SYT9: variants seen among roughly 807,000 people sequenced by gnomAD.
SYT9 encodes synaptotagmin 9, also known as synaptotagmin-9.
Under a neutral mutation model 48.4 loss-of-function variants are expected in SYT9, and 22 were observed. That is an observed-to-expected ratio of 0.45 (90% CI 0.32 to 0.65). SYT9 has a LOEUF of 0.65. Among genes scored for constraint, SYT9 ranks in the 30% least tolerant of loss-of-function variants. The pLI is 0.03. For missense variants in SYT9, 577 were observed against 622.0 expected, an observed-to-expected ratio of 0.93 and a Z score of 0.77; for synonymous variants, 265 against 245.0, an observed-to-expected ratio of 1.08 and a Z score of -0.76.
At chr11:7,299,992 A>C (rs149454465) in intron 1 of SYT9, among the ~76,000 whole-genome samples, 84 of 152,302 alleles carry the variant, frequency 5.5e-4, no homozygotes, top group African/African-American at 2.0e-3. Flanking sequence ...ATGACCCTAC[A>C]TCCTAATTTT....
At chr11:7,359,588 T>C in intron 3 of SYT9, among the ~76,000 whole-genome samples, 1 of 111,766 alleles carries the variant, frequency 8.9e-6, no homozygotes, top group African/African-American at 3.0e-5. Flanking sequence ...GATTTGCATT[T>C]CTCTGATGGC....
At chr11:7,392,384 T>C (rs954246562) in intron 3 of SYT9, among the ~76,000 whole-genome samples, 3 of 152,170 alleles carry the variant, frequency 2.0e-5, no homozygotes, top group African/African-American at 4.8e-5. Context: ...ATTGCTTATT[T>C]TTGTCAGTAT....
intron 6 of SYT9, among the ~76,000 whole-genome samples, chr11:7,447,425 C>A (rs2134142898): frequency 6.6e-6 from 1 of 152,302 alleles, no homozygotes; most frequent in African/African-American, 2.4e-5. Context: ...ACTTCTAGTA[C>A]CCTGGCAACA....
At chr11:7,353,584 G>T (rs1564873427) in intron 3 of SYT9, among the ~76,000 whole-genome samples, 1 of 152,180 alleles carries the variant, frequency 6.6e-6, no homozygotes, top group Non-Finnish European at 1.5e-5. Flanking sequence ...CAGCCTTGAG[G>T]GCAGGGAGGA....
intron 1 of SYT9, among the ~76,000 whole-genome samples, chr11:7,295,767 T>C (rs751085618): frequency 2.6e-5 from 4 of 152,242 alleles, no homozygotes; most frequent in Non-Finnish European, 4.4e-5. Context: ...TGTATTGGTT[T>C]ATGTATGCCT....
intron 1 of SYT9, among the ~76,000 whole-genome samples, chr11:7,273,730 A>G (rs1848337236): frequency 1.3e-5 from 2 of 152,222 alleles, no homozygotes; most frequent in African/African-American, 2.4e-5. Context: ...ACCTAATTTC[A>G]TTGAATAAAA....
chr11:7,249,964 C>T (rs1465552745), upstream of SYT9, among the ~76,000 whole-genome samples: 1 of 152,156 alleles, frequency 6.6e-6, no homozygotes, highest in Non-Finnish European at 1.5e-5. Flanking sequence ...CCCTATGACT[C>T]CCCTCTGTAC....
intron 4 of SYT9, among the ~76,000 whole-genome samples, chr11:7,417,471 G>A (rs1198308092): frequency 1.3e-5 from 2 of 152,024 alleles, no homozygotes; most frequent in African/African-American, 2.4e-5. Context: ...CCACTCTAGG[G>A]GCTCAAGGTC....
At chr11:7,369,597 T>C (rs1476684440) in intron 3 of SYT9, among the ~76,000 whole-genome samples, 1 of 152,130 alleles carries the variant, frequency 6.6e-6, no homozygotes, top group Non-Finnish European at 1.5e-5. Flanking sequence ...TCTTCTGGGG[T>C]TTTTATGGTT....
intron 6 of SYT9, among the ~76,000 whole-genome samples, chr11:7,421,604 C>T (rs1296295494): frequency 6.6e-6 from 1 of 152,164 alleles, no homozygotes. Context: ...TTCACTCCCT[C>T]CCCCTTTACT....
chr11:7,334,138 G>A (rs1564866319), intron 3 of SYT9, among the ~76,000 whole-genome samples: 2 of 152,122 alleles, frequency 1.3e-5, no homozygotes, highest in East Asian at 3.9e-4. Flanking sequence ...CCCAAGACAG[G>A]AACAGTTTTG....
At chr11:7,306,483 G>T (rs1849032607) in intron 2 of SYT9, among the ~76,000 whole-genome samples, 1 of 152,138 alleles carries the variant, frequency 6.6e-6, no homozygotes, top group African/African-American at 2.4e-5. Context: ...CAGAACCCTA[G>T]GGGACTATTT....
chr11:7,334,465 T>G (rs901026558), intron 3 of SYT9, among the ~76,000 whole-genome samples: 25 of 152,198 alleles, frequency 1.6e-4, no homozygotes, highest in African/African-American at 5.8e-4. Flanking sequence ...GCAGTTTCAC[T>G]GAGGAATAAT....
intron 3 of SYT9, among the ~76,000 whole-genome samples, chr11:7,324,820 A>C (rs2133969213): frequency 1.3e-5 from 2 of 152,086 alleles, no homozygotes; most frequent in South Asian, 4.1e-4. Context: ...AGTTTTTATA[A>C]ATGTGCTAGG....
intron 3 of SYT9, among the ~76,000 whole-genome samples, chr11:7,400,113 T>A (rs1426462800): frequency 6.6e-6 from 1 of 152,204 alleles, no homozygotes. Flanking sequence ...AGAGTAAATA[T>A]AAAAACACTT....
At chr11:7,296,980 GTATTA>G (rs1848821510) in intron 1 of SYT9, among the ~76,000 whole-genome samples, 1 of 151,878 alleles carries the variant, frequency 6.6e-6, no homozygotes, top group Non-Finnish European at 1.5e-5. Context: ...AAATTTCCCA[GTATTA>G]TATTTATTAG....
chr11:7,466,004 T>G (rs994777153), intron 6 of SYT9, among the ~76,000 whole-genome samples: 10 of 152,102 alleles, frequency 6.6e-5, no homozygotes, highest in African/African-American at 2.4e-4. Context: ...CAAGTTGAGA[T>G]TTGGGTGGGG....
chr11:7,434,662 C>T (rs1847669159), intron 6 of SYT9, among the ~76,000 whole-genome samples: 1 of 152,082 alleles, frequency 6.6e-6, no homozygotes. Context: ...GCAGTTCTAC[C>T]TCTCTACCTT....
chr11:7,368,631 CTG>C (rs1444437130), intron 3 of SYT9, among the ~76,000 whole-genome samples: 5 of 152,096 alleles, frequency 3.3e-5, no homozygotes, highest in African/African-American at 7.2e-5. Flanking sequence ...TTTTCTGTTC[CTG>C]TGTTAGTTTT....
Sources: gnomAD v4.1 joint callset for allele counts (sites outside exome capture counted in the v4.1 genomes callset) on GRCh38, gnomAD v4.1.1 for gene constraint, MANE v1.5 for transcripts, NCBI Gene and HGNC (gene_info 2026-07-23, HGNC 2026-07-21) for gene names.